The following CD1D variants were observed in gnomAD, a reference collection of about 807,000 sequenced individuals.
CD1D encodes the protein antigen-presenting glycoprotein CD1d.
In CD1D, 40 loss-of-function variants were observed where a neutral mutation model predicts 42.1. That is an observed-to-expected ratio of 0.95 (90% CI 0.74 to 1.24). The LOEUF is 1.24. CD1D is among the 50% of genes most tolerant of loss of function. CD1D has a pLI of 0.00. For missense variants in CD1D, 437 were observed against 416.5 expected, an observed-to-expected ratio of 1.05 and a Z score of -0.43; for synonymous variants, 178 against 171.8, an observed-to-expected ratio of 1.04 and a Z score of -0.28.
upstream of CD1D, among the ~76,000 whole-genome samples, chr1:158,178,732 C>T (rs1276535639): frequency 1.3e-5 from 2 of 152,164 alleles, no homozygotes; most frequent in African/African-American, 4.8e-5. Flanking sequence ...GTAGTACCCA[C>T]CGTGGGCTTA....
rs747537286 is a variant in CD1D at position 158,184,134 on chromosome 1, A to C, written c.992A>C (p.Tyr331Ser). The C allele has an allele frequency of 6.2e-7, 1 of 1,613,668 alleles. No homozygotes were observed. Among genetic ancestry groups the C allele is most frequent in the African/African-American group, 1.3e-5 (1 of 74,700 alleles). Reference protein sequence around the residue: ...FTSRFKRQTSYQGVL With the variant: ...FTSRFKRQTSSQGVL Reference sequence around the variant, plus strand: ...CCCTTTCTATTCTCTCACAGTTCCTATCAGGGCGTCCTGTGACTCGCCTTG... The same window carrying C: ...CCCTTTCTATTCTCTCACAGTTCCTCTCAGGGCGTCCTGTGACTCGCCTTG... Residue 331 changes from tyrosine (Y) to serine (S), a missense_variant, in exon 6 of 6, where the codon TAT becomes TCT. Coordinates refer to ENST00000674085, the MANE Select transcript of CD1D (RefSeq NM_001371762.2).
Position 158,182,027 on chromosome 1 carries a change from C to T in CD1D, c.329-5C>T. ...TCTTTGATCTTTCTCCATTCCTCTCCACAGATCCCTTGGAGCTCCAGGTGT... is the reference window on the plus strand; with the variant it reads ...TCTTTGATCTTTCTCCATTCCTCTCTACAGATCCCTTGGAGCTCCAGGTGT... On this transcript the variant is annotated splice_polypyrimidine_tract_variant and splice_region_variant and intron_variant, in intron 2 of 5. Transcript: ENST00000674085. 1 of 1,600,576 alleles carries T rather than the reference C, an allele frequency of 6.2e-7. No individual in the cohort carries two copies. Among genetic ancestry groups the T allele is most frequent in the East Asian group, 2.2e-5 (1 of 44,776 alleles).
chr1:158,185,348 A>AT lies in CD1D; in HGVS notation c.*1199dup, dbSNP rs1436666587. 1.3e-5 allele frequency among the ~76,000 whole-genome samples: 2 copies of AT among 152,204 alleles called. No homozygotes were observed. The highest frequency in any genetic ancestry group is 2.9e-5 in the Non-Finnish European group (2 of 68,034). On this transcript the variant is annotated 3_prime_UTR_variant, in exon 6 of 6. Transcript: ENST00000674085. Reference sequence around the variant, plus strand: ...AGAAAAGTAACATTTCACACTCTCTATACTAGACTTGCACATATGAATTTA... The same window carrying AT: ...AGAAAAGTAACATTTCACACTCTCTATTACTAGACTTGCACATATGAATTTA...
chr1:158,183,020 A>T lies in CD1D; in HGVS notation c.750A>T (p.Pro250=), dbSNP rs774280958. ...RGEQEQQGTQ[P]GDILPNADET... ...AGCAGGAGCAGCAGGGCACTCAGCC[A>T]GGGGACATCCTGCCCAATGCTGACG... The change falls in exon 4 of 6, where the codon CCA becomes CCT. Residue 250 remains proline, a synonymous_variant. Coordinates refer to ENST00000674085, the MANE Select transcript of CD1D (RefSeq NM_001371762.2). 6 of 1,613,994 alleles carry T rather than the reference A, an allele frequency of 3.7e-6. 1 individual carries two copies. The South Asian group carries it at 6.6e-5, about 18-fold the overall frequency.
chr1:158,184,463 G>A lies in CD1D; in HGVS notation c.*313G>A, dbSNP rs1648619766. On this transcript the variant is annotated 3_prime_UTR_variant, in exon 6 of 6. Transcript: ENST00000674085. ...CAGGGACAAGCAGGTAAGAGCTGATGTGAGTGTGTGTGATGGGATCTGTAA... is the reference window on the plus strand; with the variant it reads ...CAGGGACAAGCAGGTAAGAGCTGATATGAGTGTGTGTGATGGGATCTGTAA... The A allele has an allele frequency of 2.3e-6, 1 of 438,030 alleles. No homozygotes were observed. Among genetic ancestry groups the A allele is most frequent in the Non-Finnish European group, 4.1e-6 (1 of 241,838 alleles). 27.1% of individuals were successfully genotyped at this position (438,030 alleles called of 1,614,324 possible). A position where few individuals can be genotyped will look rare whatever the true frequency, so the allele number is the denominator to read the frequency against.
rs1285313056 is a variant in CD1D, at chr1:158,183,118, A to C, written c.848A>C (p.His283Pro). Residue 283 changes from histidine (H) to proline (P), a missense_variant, in exon 4 of 6, where the codon CAC becomes CCC. By Grantham distance (77) the His-to-Pro change is moderately conservative. Transcript: ENST00000674085. The stretch of plus-strand genomic sequence containing the variant: ...GCTGGCCTGTCCTGTCGGGTGAAGC[A>C]CAGCAGTCTAGAGGGCCAGGACATC... ...EAAGLSCRVK[H>P]SSLEGQDIVL... 2 of 1,613,674 alleles carry C rather than the reference A, an allele frequency of 1.2e-6. No individual in the cohort carries two copies. Among genetic ancestry groups the C allele is most frequent in the Admixed American group, 3.3e-5 (2 of 60,010 alleles).
intron 3 of CD1D, 24 bp downstream of exon 3, chr1:158,182,334 T>G (rs1430130743): frequency 6.2e-7 from 1 of 1,613,618 alleles, no homozygotes; most frequent in Non-Finnish European, 8.5e-7. Context: ...CCTTACTCCC[T>G]GCATTCCACT....
chr1:158,181,266 G>C, intron 1 of CD1D, 104 bp downstream of exon 1: 2 of 1,446,820 alleles, frequency 1.4e-6, no homozygotes, highest in Non-Finnish European at 9.5e-7. Context: ...TGAGACCCGG[G>C]ACGCACTGGC....
At position 158,180,951 on chromosome 1, in the gene CD1D, C is replaced by G. The variant is rs1648362820; in HGVS notation, c.-151C>G. 1.6e-6 allele frequency: 1 copy of G among 632,478 alleles called. No individual in the cohort carries two copies. The highest frequency in any genetic ancestry group is 3.6e-5 in the Admixed American group (1 of 28,048). The allele number at this position is 632,478 out of a possible 1,614,324, so 39.2% of individuals were successfully genotyped here. A position where few individuals can be genotyped will look rare whatever the true frequency, so the allele number is the denominator to read the frequency against. On this transcript the variant is annotated 5_prime_UTR_variant, in exon 1 of 6. Coordinates refer to ENST00000674085, the MANE Select transcript of CD1D (RefSeq NM_001371762.2). ...TTCGGCAGAAGCAGCAAACCGCCGGCAAGCCCAGCGAGGAGGGCTGCCGGG... is the reference window on the plus strand; with the variant it reads ...TTCGGCAGAAGCAGCAAACCGCCGGGAAGCCCAGCGAGGAGGGCTGCCGGG...
chr1:158,181,899 G>A, intron 2 of CD1D, 133 bp from the exon 3 acceptor site: 2 of 1,348,832 alleles, frequency 1.5e-6, no homozygotes, highest in Non-Finnish European at 2.0e-6. Context: ...CCTCGTTCCT[G>A]CCTACTCCAG....
rs1337080097 is a variant in CD1D at position 158,183,167 on chromosome 1, G to C, written c.886+11G>C. On this transcript the variant is annotated intron_variant, in intron 4 of 5. Transcript: ENST00000674085. The stretch of plus-strand genomic sequence containing the variant: ...TCGTCCTCTACTGGGGTGAGAAAAA[G>C]CTGGGCCCAAGCTGGAAATGGCAGG... 6.3e-7 allele frequency: 1 copy of C among 1,584,472 alleles called. No homozygotes were observed. Among genetic ancestry groups the C allele is most frequent in the Admixed American group, 1.7e-5 (1 of 58,468 alleles).
At chr1:158,183,289 A>G in intron 4 of CD1D, 133 bp downstream of exon 4, 1 of 1,114,326 alleles carries the variant, frequency 9.0e-7, no homozygotes, top group Admixed American at 2.9e-5. Context: ...CAGTAAAAGG[A>G]TAGAGAGAGG....
At position 158,181,056 on chromosome 1, in the gene CD1D, A is replaced by T; in HGVS notation, c.-46A>T. Reference sequence around the variant, plus strand: ...CGGGGGAGAAGAGTGCGCAGGTCAGAGGGCGGCGCGCAGCGGCGCTCCGCG... The same window carrying T: ...CGGGGGAGAAGAGTGCGCAGGTCAGTGGGCGGCGCGCAGCGGCGCTCCGCG... On this transcript the variant is annotated 5_prime_UTR_variant, in exon 1 of 6. Transcript: ENST00000674085. 2 of 1,503,220 alleles carry T rather than the reference A, an allele frequency of 1.3e-6. No homozygotes were observed. Among genetic ancestry groups the T allele is most frequent in the Non-Finnish European group, 1.8e-6 (2 of 1,118,010 alleles). The allele number at this position is 1,503,220 out of a possible 1,614,324, so 93.1% of individuals were successfully genotyped here.
In CD1D at chr1:158,183,177, A is replaced by G. The variant is rs201923868; in HGVS notation, c.886+21A>G. The G allele has an allele frequency of 1.3e-3, 2,071 of 1,578,102 alleles. 44 individuals carry two copies. In the South Asian group the frequency reaches 0.022, roughly 17 times the overall value. ...CTGGGGTGAGAAAAAGCTGGGCCCA[A>G]GCTGGAAATGGCAGGAGGTGGTCCT... On this transcript the variant is annotated intron_variant, in intron 4 of 5. Coordinates refer to ENST00000674085, the MANE Select transcript of CD1D (RefSeq NM_001371762.2).
In CD1D at chr1:158,181,724, G is replaced by A. The variant is rs1259686237; in HGVS notation, c.328+3G>A. ...CGCCAAAATGCTACGCTTATCCTGT[G>A]AGCTGAGGGATAGGATCCTGGGCCG... On this transcript the variant is annotated splice_donor_region_variant and intron_variant, in intron 2 of 5. Transcript: ENST00000674085. 1 of 1,606,658 alleles carries A rather than the reference G, an allele frequency of 6.2e-7. No individual in the cohort carries two copies.
intron 3 of CD1D, 148 bp downstream of exon 3, chr1:158,182,458 A>G: frequency 1.2e-6 from 1 of 836,602 alleles, no homozygotes; most frequent in Non-Finnish European, 1.9e-6. Context: ...TTCATTTCAC[A>G]GACATCAACT....
In CD1D at chr1:158,185,880, A is replaced by G. The variant is rs964997840; in HGVS notation, c.*1730A>G. On this transcript the variant is annotated 3_prime_UTR_variant, in exon 6 of 6. Coordinates refer to ENST00000674085, the MANE Select transcript of CD1D (RefSeq NM_001371762.2). The stretch of plus-strand genomic sequence containing the variant: ...CCCCTGGTGATTCTGATGCTTAGCT[A>G]AAGTTAGAGAACCACTGTTCTTAGA... 1.3e-4 allele frequency among the ~76,000 whole-genome samples: 20 copies of G among 152,176 alleles called. No homozygotes were observed. The highest frequency in any genetic ancestry group is 4.6e-4 in the African/African-American group (19 of 41,444).
chr1:158,182,764 A>G, intron 3 of CD1D, 114 bp from the exon 4 acceptor site: 1 of 1,231,370 alleles, frequency 8.1e-7, no homozygotes, highest in Non-Finnish European at 1.1e-6. Flanking sequence ...TGTCAGGGGC[A>G]TACAGGAAGG....
upstream of CD1D, among the ~76,000 whole-genome samples, chr1:158,179,782 T>C (rs941124545): frequency 6.6e-6 from 1 of 152,048 alleles, no homozygotes; most frequent in African/African-American, 2.4e-5. Context: ...AGAGGGAACT[T>C]TGTGCAGAGA....
Sources: gnomAD v4.1 joint callset for allele counts (sites outside exome capture counted in the v4.1 genomes callset) on GRCh38, gnomAD v4.1.1 for gene constraint, MANE v1.5 for transcripts, NCBI Gene and HGNC (gene_info 2026-07-23, HGNC 2026-07-21) for gene names.